The following ZMYND11 variants were observed in gnomAD, a reference collection of about 807,000 sequenced individuals.
ZMYND11 encodes zinc finger MYND-type containing 11.
A neutral mutation model predicts 84.9 loss-of-function variants in ZMYND11; 9 were observed. The ratio of observed to expected loss-of-function variants is 0.11; its 90% CI spans 0.06 to 0.18. The LOEUF (loss-of-function observed/expected upper bound fraction) is 0.18, where lower values mean the gene tolerates loss of function less well. ZMYND11 is among the 10% of genes least tolerant of loss of function. ZMYND11 has a pLI of 1.00. For synonymous variants in ZMYND11, 250 were observed against 244.1 expected, an observed-to-expected ratio of 1.02 and a Z score of -0.23; for missense variants, 409 against 761.0, an observed-to-expected ratio of 0.54 and a Z score of 5.44.
At chr10:240,153 AAATT>A (rs1255177186) in intron 8 of ZMYND11, 42 bp downstream of exon 8, 4 of 1,434,300 alleles carry the variant, frequency 2.8e-6, no homozygotes, top group African/African-American at 1.4e-5. Flanking sequence ...TCTATAACTG[AAATT>A]AATTTATTTC....
intron 1 of ZMYND11, among the ~76,000 whole-genome samples, chr10:137,722 A>G (rs1554752622): frequency 6.6e-6 from 1 of 152,152 alleles, no homozygotes; most frequent in Non-Finnish European, 1.5e-5. Flanking sequence ...AGAGGCATTT[A>G]ATTTGCCTTG....
intron 2 of ZMYND11, among the ~76,000 whole-genome samples, chr10:185,530 C>T (rs61836338): frequency 0.41 from 27,940 of 67,488 alleles, 4,087 homozygotes; most frequent in Non-Finnish European, 0.48. Context: ...GGTGGGGGCG[C>T]GGGGTGGGCA....
intron 4 of ZMYND11, among the ~76,000 whole-genome samples, chr10:230,373 T>A (rs575855139): frequency 3.9e-4 from 57 of 147,882 alleles, no homozygotes; most frequent in African/African-American, 1.4e-3. Context: ...CTCAGGAGGC[T>A]GAGGCAGAAA....
intron 2 of ZMYND11, among the ~76,000 whole-genome samples, chr10:181,638 C>T (rs988635786): frequency 6.6e-6 from 1 of 151,928 alleles, no homozygotes; most frequent in Admixed American, 6.6e-5. Flanking sequence ...AACAAAGAAA[C>T]CCAAAGGCTA....
At chr10:239,185 G>C (rs935081145) in intron 6 of ZMYND11, among the ~76,000 whole-genome samples, 3 of 152,200 alleles carry the variant, frequency 2.0e-5, no homozygotes, top group African/African-American at 7.2e-5. Context: ...AGCCATTAAA[G>C]TTCACTCTGA....
rs545197688 is a variant in ZMYND11, at chr10:171,392, A to G, written c.-19-8602A>G. ...CGTTCTTCTGAAGGTCACACAGAACATTCACCAACATAGACCACATTCGAT... is the reference window on the plus strand; with the variant it reads ...CGTTCTTCTGAAGGTCACACAGAACGTTCACCAACATAGACCACATTCGAT... On this transcript the variant is annotated intron_variant, in intron 1 of 14. Transcript: ENST00000381604. Among the ~76,000 whole-genome samples, 3 of 152,290 alleles carry G rather than the reference A, an allele frequency of 2.0e-5. 1 individual carries two copies. The highest frequency in any genetic ancestry group is 4.1e-4 in the South Asian group (2 of 4,824).
At chr10:246,730 G>A in intron 10 of ZMYND11, 36 bp from the exon 11 acceptor site, 1 of 1,602,262 alleles carries the variant, frequency 6.2e-7, no homozygotes, top group South Asian at 1.1e-5. Flanking sequence ...TGCCATTTGG[G>A]ATGTTTCTAA....
chr10:155,569 A>G (rs553731239), intron 1 of ZMYND11, among the ~76,000 whole-genome samples: 10 of 152,354 alleles, frequency 6.6e-5, no homozygotes, highest in Admixed American at 6.5e-4. Context: ...TGGGAACACA[A>G]GTGGTACTTT....
intron 8 of ZMYND11, among the ~76,000 whole-genome samples, 198 bp from the exon 9 acceptor site, chr10:240,695 C>T (rs1305403025): frequency 6.6e-6 from 1 of 152,064 alleles, no homozygotes; most frequent in Non-Finnish European, 1.5e-5. Context: ...CTGAGACCAG[C>T]GACATGGTTC....
chr10:159,115 T>C (rs1240038270), intron 1 of ZMYND11, among the ~76,000 whole-genome samples: 1 of 149,088 alleles, frequency 6.7e-6, no homozygotes, highest in Non-Finnish European at 1.5e-5. Context: ...ACATGATCCC[T>C]CTTTTTTTTT....
At chr10:160,795 G>GT (rs1214741076) in intron 1 of ZMYND11, among the ~76,000 whole-genome samples, 2 of 152,056 alleles carry the variant, frequency 1.3e-5, no homozygotes, top group African/African-American at 4.8e-5. Context: ...TAGCAATTCA[G>GT]TTATATCTTC....
intron 5 of ZMYND11, 49 bp from the exon 6 acceptor site, chr10:237,535 AC>A: frequency 8.6e-7 from 1 of 1,163,878 alleles, no homozygotes; most frequent in Non-Finnish European, 1.2e-6. Flanking sequence ...TTGATGTCTT[AC>A]CTGCCTTCCT....
At chr10:166,299 A>G (rs928997702) in intron 1 of ZMYND11, among the ~76,000 whole-genome samples, 1 of 152,166 alleles carries the variant, frequency 6.6e-6, no homozygotes, top group African/African-American at 2.4e-5. Flanking sequence ...TTATTAAGAA[A>G]GCGTAAAGAC....
chr10:253,972 T>C lies in ZMYND11; in HGVS notation c.*1502T>C, dbSNP rs1953948449. ...TGGTGACACAAGTTAATTGACAAAC[T>C]ACTGCCAAATGGTGCACAATATTTT... On this transcript the variant is annotated 3_prime_UTR_variant, in exon 15 of 15. Transcript: ENST00000381604. The C allele has an allele frequency of 6.6e-6, 1 of 152,574 alleles. No homozygotes were observed. The highest frequency in any genetic ancestry group is 2.4e-5 in the African/African-American group (1 of 41,470). The allele number at this position is 152,574 out of a possible 1,614,324, so 9.5% of individuals were successfully genotyped here. A position where few individuals can be genotyped will look rare whatever the true frequency, so the allele number is the denominator to read the frequency against.
At chr10:200,416 A>G (rs1353633323) in intron 2 of ZMYND11, among the ~76,000 whole-genome samples, 1 of 146,868 alleles carries the variant, frequency 6.8e-6, no homozygotes, top group East Asian at 1.9e-4. Context: ...CCCTATATAT[A>G]TAATAATATA....
At chr10:166,613 A>AACACTT (rs1554763932) in intron 1 of ZMYND11, among the ~76,000 whole-genome samples, 5 of 152,142 alleles carry the variant, frequency 3.3e-5, no homozygotes, top group Non-Finnish European at 5.9e-5. Flanking sequence ...AAAAATGTGG[A>AACACTT]GAAATTGGAA....
intron 1 of ZMYND11, among the ~76,000 whole-genome samples, chr10:149,327 T>A (rs374648470): frequency 1.1e-5 from 1 of 87,534 alleles, no homozygotes; most frequent in African/African-American, 4.1e-5. Flanking sequence ...TATTATTATT[T>A]TTCAGACCAG....
At chr10:165,652 C>T (rs1195461191) in intron 1 of ZMYND11, among the ~76,000 whole-genome samples, 1 of 152,132 alleles carries the variant, frequency 6.6e-6, no homozygotes, top group Non-Finnish European at 1.5e-5. Context: ...AAGCATTATC[C>T]TTGACACTCA....
At chr10:233,360 T>C (rs927886705) in intron 4 of ZMYND11, among the ~76,000 whole-genome samples, 1 of 152,136 alleles carries the variant, frequency 6.6e-6, no homozygotes, top group African/African-American at 2.4e-5. Flanking sequence ...AGATCCCCAC[T>C]CCCACGCCCT....
Sources: gnomAD v4.1 joint callset for allele counts (sites outside exome capture counted in the v4.1 genomes callset) on GRCh38, gnomAD v4.1.1 for gene constraint, MANE v1.5 for transcripts, NCBI Gene and HGNC (gene_info 2026-07-23, HGNC 2026-07-21) for gene names.